The following AK4 variants were observed in gnomAD, a reference collection of about 807,000 sequenced individuals.
AK4 encodes adenylate kinase 4, also known as adenylate kinase 4, mitochondrial.
A neutral mutation model predicts 24.6 loss-of-function variants in AK4; 13 were observed. The observed-to-expected ratio is 0.53, with a 90% CI of 0.34 to 0.84. AK4 has a LOEUF of 0.84. Among genes scored for constraint, AK4 ranks in the 40% least tolerant of loss-of-function variants. The pLI is 0.01. For missense variants in AK4, 192 were observed against 288.2 expected (o/e 0.67, Z 2.42); for synonymous variants, 88 against 107.0 (o/e 0.82, Z 1.10).
chr1:65,212,948 G>A (rs1652015911), intron 2 of AK4, among the ~76,000 whole-genome samples: 3 of 152,200 alleles, frequency 2.0e-5, no homozygotes, highest in African/African-American at 4.8e-5. Flanking sequence ...TAGTATATGT[G>A]AAGCATAAAG....
At chr1:65,207,123 T>C (rs1348867109) in intron 2 of AK4, among the ~76,000 whole-genome samples, 1 of 152,222 alleles carries the variant, frequency 6.6e-6, no homozygotes, top group East Asian at 1.9e-4. Flanking sequence ...GGAGTACTTA[T>C]CTTCTGCTTA....
At chr1:65,180,524 C>A (rs917165283) in intron 1 of AK4, among the ~76,000 whole-genome samples, 10 of 152,154 alleles carry the variant, frequency 6.6e-5, no homozygotes, top group Non-Finnish European at 1.5e-4. Context: ...AGAGTTTCTT[C>A]CATGATTTCT....
At chr1:65,188,803 G>A (rs1651191481) in intron 1 of AK4, among the ~76,000 whole-genome samples, 1 of 148,772 alleles carries the variant, frequency 6.7e-6, no homozygotes, top group African/African-American at 2.5e-5. Flanking sequence ...TTGAGATGGA[G>A]TCTCGCTGTC....
At position 65,216,588 on chromosome 1, in the gene AK4, T is replaced by C. The variant is rs111556128; in HGVS notation, c.266-2166T>C. 1.3e-3 allele frequency among the ~76,000 whole-genome samples: 156 copies of C among 124,274 alleles called. 33 individuals are homozygous for C. Among genetic ancestry groups the C allele is most frequent in the African/African-American group, 8.0e-3 (146 of 18,226 alleles). The allele number at this position is 124,274 out of a possible 152,430, so 81.5% of individuals were successfully genotyped here. On this transcript the variant is annotated intron_variant, in intron 2 of 4. Transcript: ENST00000327299. ...GGCAGAGGTTTGCGGGGAAAGAGTT[T>C]ATAGATGATCTTGAGGTTGTTTGGG...
chr1:65,217,314 A>G (rs1652162556), intron 2 of AK4, among the ~76,000 whole-genome samples: 1 of 152,160 alleles, frequency 6.6e-6, no homozygotes, highest in Non-Finnish European at 1.5e-5. Flanking sequence ...AAGGAAAGGA[A>G]TTCTTTGAAT....
chr1:65,225,967 C>T lies in AK4; in HGVS notation c.558-96C>T. The T allele has an allele frequency of 3.0e-6, 4 of 1,314,258 alleles. No individual in the cohort carries two copies. The South Asian group carries it at 4.0e-5, about 13-fold the overall frequency. The allele number at this position is 1,314,258 out of a possible 1,614,324, so 81.4% of individuals were successfully genotyped here. On this transcript the variant is annotated intron_variant, in intron 4 of 4. Transcript: ENST00000327299. ...CACTTAGTGTGGTATATGATATAGA[C>T]CATGAGATCATGCTTGTTTTATATC...
chr1:65,216,226 A>G (rs1418214265), intron 2 of AK4, among the ~76,000 whole-genome samples: 2 of 151,450 alleles, frequency 1.3e-5, no homozygotes, highest in Non-Finnish European at 2.9e-5. Context: ...TCTGCCTCCC[A>G]GGTTCAAGCA....
Position 65,148,528 on chromosome 1 carries a change from C to G in AK4, c.121C>G (p.Arg41Gly). ...LQHLSSGHFL[R>G]ENIKASTEVG... ...GCATCTCTCCAGCGGCCACTTCTTG[C>G]GGGAGAACATCAAGGCCAGCACCGG... Residue 41 changes from arginine (R) to glycine (G), a missense_variant, in exon 1 of 5, where the codon CGG becomes GGG. Arg to Gly is a moderately radical substitution (Grantham distance 125). Transcript: ENST00000327299. The G allele has an allele frequency of 6.3e-7, 1 of 1,599,844 alleles. No homozygotes were observed. Among genetic ancestry groups the G allele is most frequent in the Non-Finnish European group, 8.5e-7 (1 of 1,173,316 alleles).
chr1:65,201,780 C>G (rs1651670200), intron 2 of AK4, among the ~76,000 whole-genome samples: 1 of 151,988 alleles, frequency 6.6e-6, no homozygotes, highest in Admixed American at 6.6e-5. Flanking sequence ...GAAGCTGACA[C>G]CCAGAACCAT....
chr1:65,208,180 A>G (rs1281238792), intron 2 of AK4, among the ~76,000 whole-genome samples: 2 of 152,160 alleles, frequency 1.3e-5, no homozygotes, highest in African/African-American at 4.8e-5. Context: ...TTTCTCTGCA[A>G]CCTTGCTGGC....
intron 1 of AK4, among the ~76,000 whole-genome samples, chr1:65,151,083 A>G (rs564136838): frequency 6.6e-6 from 1 of 152,088 alleles, no homozygotes; most frequent in African/African-American, 2.4e-5. Flanking sequence ...CCTCCCAAGT[A>G]GCTGGGATTA....
chr1:65,183,837 A>T (rs1439606119), intron 1 of AK4, among the ~76,000 whole-genome samples: 1 of 152,120 alleles, frequency 6.6e-6, no homozygotes, highest in South Asian at 2.1e-4. Context: ...AGCAGTTGAC[A>T]GTGTTTTGGC....
intron 1 of AK4, among the ~76,000 whole-genome samples, chr1:65,161,539 A>G (rs1239134718): frequency 6.6e-6 from 1 of 152,048 alleles, no homozygotes; most frequent in Non-Finnish European, 1.5e-5. Flanking sequence ...TTCTACTCTC[A>G]TTGCTTCCAT....
chr1:65,154,514 G>A, intron 1 of AK4: 2 of 526,474 alleles, frequency 3.8e-6, no homozygotes, highest in Non-Finnish European at 7.5e-6. Context: ...AGCCACTGCT[G>A]AAAATTCAGC....
intron 1 of AK4, among the ~76,000 whole-genome samples, chr1:65,184,699 T>G (rs1401969061): frequency 6.6e-6 from 1 of 152,184 alleles, no homozygotes; most frequent in Non-Finnish European, 1.5e-5. Context: ...CCAAGCAAAC[T>G]GACAAGGGTA....
At chr1:65,171,743 T>C (rs989825627) in intron 1 of AK4, among the ~76,000 whole-genome samples, 32 of 151,980 alleles carry the variant, frequency 2.1e-4, no homozygotes, top group Non-Finnish European at 1.5e-5. Flanking sequence ...AAGATTGTCA[T>C]GTCTTTAAGT....
Position 65,148,548 on chromosome 1 carries a change from C to T in AK4, c.141C>T (p.Ser47=). 1 of 1,600,160 alleles carries T rather than the reference C, an allele frequency of 6.2e-7. No homozygotes were observed. The highest frequency in any genetic ancestry group is 8.5e-7 in the Non-Finnish European group (1 of 1,173,400). The change falls in exon 1 of 5, where the codon AGC becomes AGT. Residue 47 remains serine (S), a synonymous_variant. Transcript: ENST00000327299. ...GHFLRENIKA[S]TEVGEMAKQY... is the part of the protein sequence containing the mutation. ...TCTTGCGGGAGAACATCAAGGCCAG[C>T]ACCGGTGAGGGGCTGCGGGGACGAG...
At chr1:65,152,352 C>CTATA (rs1649807794) in intron 1 of AK4, among the ~76,000 whole-genome samples, 15 of 42,834 alleles carry the variant, frequency 3.5e-4, no homozygotes, top group Non-Finnish European at 5.3e-4. Context: ...CTCTCTCTCT[C>CTATA]TCTCTCTCTA....
At chr1:65,202,360 G>A (rs571923743) in intron 2 of AK4, among the ~76,000 whole-genome samples, 2 of 152,244 alleles carry the variant, frequency 1.3e-5, no homozygotes, top group African/African-American at 4.8e-5. Context: ...TCGCGCCACT[G>A]CACTCCAGCC....
Sources: allele counts gnomAD v4.1 joint callset (sites outside exome capture counted in the v4.1 genomes callset), GRCh38; gene constraint gnomAD v4.1.1; transcripts MANE v1.5; gene names NCBI Gene and HGNC (gene_info 2026-07-23, HGNC 2026-07-21).